CFAP54: variants seen among roughly 807,000 people sequenced by gnomAD.
CFAP54 encodes cilia- and flagella-associated protein 54.
CFAP54 carries 290 observed loss-of-function variants against 370.4 expected under a neutral mutation model. The ratio of observed to expected loss-of-function variants is 0.78; its 90% CI spans 0.71 to 0.86. CFAP54 has a LOEUF of 0.86. CFAP54 is among the 40% of genes least tolerant of loss of function. The pLI, the probability that CFAP54 is intolerant of heterozygous loss-of-function variation, is 0.00. For missense variants in CFAP54, 3,399 were observed against 3,528.7 expected (o/e 0.96, Z 0.93); for synonymous variants, 1,206 against 1,236.5 (o/e 0.98, Z 0.52).
At chr12:96,508,992 G>C (rs1436284720) in intron 4 of CFAP54, among the ~76,000 whole-genome samples, 1 of 152,140 alleles carries the variant, frequency 6.6e-6, no homozygotes, top group African/African-American at 2.4e-5. Context: ...CTTAGTTTCA[G>C]TAACTACTCT....
chr12:96,673,724 T>C (rs1044587403), intron 39 of CFAP54, among the ~76,000 whole-genome samples: 2 of 152,222 alleles, frequency 1.3e-5, no homozygotes, highest in Non-Finnish European at 2.9e-5. Flanking sequence ...CTCATGATGG[T>C]TTCCACACCA....
intron 2 of CFAP54, among the ~76,000 whole-genome samples, chr12:96,502,396 TA>T (rs535053383): frequency 6.3e-4 from 43 of 68,590 alleles, no homozygotes; most frequent in Admixed American, 1.2e-3. Flanking sequence ...ACACTGTCCC[TA>T]AAAAAAAAAA....
At chr12:96,830,996 C>T (rs1207486542) in intron 66 of CFAP54, among the ~76,000 whole-genome samples, 1 of 152,186 alleles carries the variant, frequency 6.6e-6, no homozygotes, top group African/African-American at 2.4e-5. Context: ...AGTTTTCCTC[C>T]TCCTCTTCTA....
At chr12:96,825,802 ATAT>A (rs1353590517) in intron 65 of CFAP54, among the ~76,000 whole-genome samples, 6 of 130,598 alleles carry the variant, frequency 4.6e-5, no homozygotes, top group African/African-American at 5.9e-5. Flanking sequence ...TATATATTAC[ATAT>A]TATAATATAT....
At chr12:96,754,838 GGTTCAAGCA>G (rs1958234305) in intron 56 of CFAP54, among the ~76,000 whole-genome samples, 1 of 151,932 alleles carries the variant, frequency 6.6e-6, no homozygotes, top group African/African-American at 2.4e-5. Flanking sequence ...TCGCCTCCTG[GGTTCAAGCA>G]ATTCTCCTTC....
chr12:96,522,004 C>G, intron 7 of CFAP54, 34 bp downstream of exon 7: 1 of 1,515,692 alleles, frequency 6.6e-7, no homozygotes, highest in Non-Finnish European at 8.9e-7. Context: ...AGAAATTTAC[C>G]ACACTCTACA....
At chr12:96,505,983 A>G (rs1326278282) in intron 3 of CFAP54, among the ~76,000 whole-genome samples, 1 of 152,088 alleles carries the variant, frequency 6.6e-6, no homozygotes, top group East Asian at 1.9e-4. Context: ...AATTGTGTAA[A>G]TGGTTATAAT....
At chr12:96,675,363 A>G (rs1378349804) in intron 39 of CFAP54, among the ~76,000 whole-genome samples, 2 of 152,232 alleles carry the variant, frequency 1.3e-5, no homozygotes, top group African/African-American at 4.8e-5. Context: ...GCCATCAGAG[A>G]AGTGCAAATC....
At chr12:96,754,019 G>T in intron 56 of CFAP54, 121 bp downstream of exon 56, 1 of 927,742 alleles carries the variant, frequency 1.1e-6, no homozygotes, top group Non-Finnish European at 1.5e-6. Context: ...AAAGGGCTTA[G>T]AGATGATTAA....
At chr12:96,814,949 T>C (rs1327416716) in intron 64 of CFAP54, among the ~76,000 whole-genome samples, 1 of 152,204 alleles carries the variant, frequency 6.6e-6, no homozygotes, top group Non-Finnish European at 1.5e-5. Context: ...TTATCCAGTC[T>C]ATCATTGATG....
At chr12:96,750,809 TTA>T (rs1958173591) in intron 55 of CFAP54, among the ~76,000 whole-genome samples, 1 of 152,204 alleles carries the variant, frequency 6.6e-6, no homozygotes, top group South Asian at 2.1e-4. Context: ...TCCTGGTGTA[TTA>T]TATTAAACAC....
chr12:96,575,469 A>G (rs997294007), intron 19 of CFAP54, among the ~76,000 whole-genome samples: 1 of 152,084 alleles, frequency 6.6e-6, no homozygotes, highest in Non-Finnish European at 1.5e-5. Context: ...CGTAATAATA[A>G]TAATAGTTCT....
At chr12:96,500,256 A>T (rs1373545445) in intron 1 of CFAP54, among the ~76,000 whole-genome samples, 1 of 152,216 alleles carries the variant, frequency 6.6e-6, no homozygotes, top group Admixed American at 6.5e-5. Flanking sequence ...AGGCATGACT[A>T]TGGAGACAGT....
In CFAP54 at chr12:96,513,060, A is replaced by G. The variant is rs1313032449; in HGVS notation, c.798+16A>G. On this transcript the variant is annotated intron_variant, in intron 5 of 67. Coordinates refer to ENST00000524981, the MANE Select transcript of CFAP54 (RefSeq NM_001306084.2). ...GTCTTCCAAGGTATGAAATGTACTG[A>G]CAAAATATTTTCCCCTCTATTTCCT... is the stretch of plus-strand genomic sequence containing the variant. The G allele has an allele frequency of 6.9e-7, 1 of 1,446,318 alleles. No individual in the cohort carries two copies. The highest frequency in any genetic ancestry group is 1.4e-5 in the African/African-American group (1 of 70,550). The allele number at this position is 1,446,318 out of a possible 1,614,324, so 89.6% of individuals were successfully genotyped here. A position where few individuals can be genotyped will look rare whatever the true frequency, so the allele number is the denominator to read the frequency against.
intron 66 of CFAP54, among the ~76,000 whole-genome samples, chr12:96,857,032 T>C (rs1211559216): frequency 6.6e-6 from 1 of 152,188 alleles, no homozygotes; most frequent in Non-Finnish European, 1.5e-5. Flanking sequence ...CTTCTGCACA[T>C]GGCAGCAGCA....
chr12:96,648,521 G>C lies in CFAP54; in HGVS notation c.4690+504G>C, dbSNP rs375972974. Among the ~76,000 whole-genome samples the C allele has an allele frequency of 4.2e-5, 6 of 144,430 alleles. No homozygotes were observed. The South Asian group carries it at 9.0e-4, about 22-fold the overall frequency. 94.8% of individuals were successfully genotyped at this position (144,430 alleles called of 152,430 possible). A position where few individuals can be genotyped will look rare whatever the true frequency, so the allele number is the denominator to read the frequency against. On this transcript the variant is annotated intron_variant, in intron 34 of 67. Transcript: ENST00000524981. ...CTCACTCTAAGATGAATGAAGCCTT[G>C]TTATCTAGTCAGGTGACAGGGGGCT...
At chr12:96,823,478 T>C (rs938335663) in intron 65 of CFAP54, among the ~76,000 whole-genome samples, 3 of 152,174 alleles carry the variant, frequency 2.0e-5, no homozygotes, top group Non-Finnish European at 4.4e-5. Flanking sequence ...AGATGAGATA[T>C]GAAGTCATGG....
chr12:96,731,004 C>T (rs1244718013), intron 50 of CFAP54, among the ~76,000 whole-genome samples: 1 of 152,176 alleles, frequency 6.6e-6, no homozygotes, highest in Non-Finnish European at 1.5e-5. Context: ...GTCTCCCAGA[C>T]CCCCTGGGCA....
rs768565964 is a variant in CFAP54 at position 96,715,626 on chromosome 12, C to T, written c.6725-2817C>T. ...GTCTGTTAAGGTCATCACTATTCAC[C>T]CTTCACTTTTTCCTATTTTCCTCAT... On this transcript the variant is annotated intron_variant, in intron 48 of 67. Coordinates refer to ENST00000524981, the MANE Select transcript of CFAP54 (RefSeq NM_001306084.2). Among the ~76,000 whole-genome samples the T allele has an allele frequency of 2.6e-5, 4 of 152,156 alleles. No homozygotes were observed. In the East Asian group the frequency reaches 5.8e-4, roughly 22 times the overall value.
Sources: allele counts gnomAD v4.1 joint callset (sites outside exome capture counted in the v4.1 genomes callset), GRCh38; gene constraint gnomAD v4.1.1; transcripts MANE v1.5; gene names NCBI Gene and HGNC (gene_info 2026-07-23, HGNC 2026-07-21).